METTL15: variants seen among roughly 807,000 people sequenced by gnomAD.
METTL15 encodes the protein methyltransferase 15, mitochondrial 12S rRNA N4-cytidine.
In METTL15, 34 loss-of-function variants were observed where a neutral mutation model predicts 38.3. That is an observed-to-expected ratio of 0.89 (90% CI 0.68 to 1.18). The LOEUF is 1.18. Ranked by LOEUF, METTL15 falls within the 50% of genes most tolerant of loss-of-function variation. The pLI is 0.00. For missense variants in METTL15, 438 were observed against 498.4 expected, an observed-to-expected ratio of 0.88 and a Z score of 1.15; for synonymous variants, 162 against 170.9, an observed-to-expected ratio of 0.95 and a Z score of 0.41.
intron 5 of METTL15, among the ~76,000 whole-genome samples, chr11:28,400,704 A>G (rs769569488): frequency 4.3e-4 from 66 of 152,030 alleles, no homozygotes; most frequent in Non-Finnish European, 3.2e-4. Flanking sequence ...AGTGTGGATA[A>G]AATCAAAGTT....
intron 3 of METTL15, among the ~76,000 whole-genome samples, chr11:28,201,582 C>T (rs995154451): frequency 3.7e-4 from 16 of 42,724 alleles, no homozygotes; most frequent in Non-Finnish European, 6.8e-4. Context: ...TTCAGGGACT[C>T]GACTTCTTCC....
rs534545411 is a variant in METTL15 at position 28,386,467 on chromosome 11, G to T, written c.*358+24431G>T. 3.3e-5 allele frequency among the ~76,000 whole-genome samples: 5 copies of T among 151,924 alleles called. No homozygotes were observed. In the South Asian group the frequency reaches 1.0e-3, roughly 32 times the overall value. On this transcript the variant is annotated intron_variant and NMD_transcript_variant, in intron 5 of 7. Coordinates refer to the METTL15 transcript ENST00000532947. ...AAAAATAGACTTTAAGTTAAAAATT[G>T]TTGCATGAGACAAAGAAAAACATTA...
intron 6 of METTL15, among the ~76,000 whole-genome samples, chr11:28,473,247 C>T (rs1289622093): frequency 6.6e-6 from 1 of 152,036 alleles, no homozygotes; most frequent in African/African-American, 2.4e-5. Context: ...GAATATTTGT[C>T]CTGAATTTCA....
At chr11:28,365,866 A>C (rs1413178858) in intron 5 of METTL15, among the ~76,000 whole-genome samples, 1 of 152,096 alleles carries the variant, frequency 6.6e-6, no homozygotes, top group East Asian at 1.9e-4. Flanking sequence ...CCTGGCTAAC[A>C]TGGTGAAACC....
intron 4 of METTL15, among the ~76,000 whole-genome samples, chr11:28,246,745 T>C (rs1854529971): frequency 6.6e-6 from 1 of 152,084 alleles, no homozygotes; most frequent in Admixed American, 6.6e-5. Context: ...CCTACTAAGG[T>C]ATATTAGTGA....
At chr11:28,393,210 A>C (rs1207026591) in intron 5 of METTL15, among the ~76,000 whole-genome samples, 2 of 152,166 alleles carry the variant, frequency 1.3e-5, no homozygotes, top group African/African-American at 4.8e-5. Flanking sequence ...TATTTTAAAG[A>C]GGTATTTACA....
intron 4 of METTL15, among the ~76,000 whole-genome samples, chr11:28,271,766 C>T (rs1409222123): frequency 6.6e-6 from 1 of 152,092 alleles, no homozygotes; most frequent in Non-Finnish European, 1.5e-5. Flanking sequence ...AAGAAACTAT[C>T]ATCAGAGTGA....
chr11:28,247,996 C>T (rs2133917367), intron 4 of METTL15, among the ~76,000 whole-genome samples: 1 of 152,050 alleles, frequency 6.6e-6, no homozygotes, highest in South Asian at 2.1e-4. Context: ...CTTTCAAATT[C>T]TTGGTAATTT....
chr11:28,499,498 A>T (rs1851564510), intron 6 of METTL15, among the ~76,000 whole-genome samples: 2 of 152,336 alleles, frequency 1.3e-5, no homozygotes, highest in Middle Eastern at 3.4e-3. Flanking sequence ...TTCCTAGATG[A>T]TACTGGTCAT....
At chr11:28,185,126 C>T (rs985673520) in intron 3 of METTL15, among the ~76,000 whole-genome samples, 1 of 151,376 alleles carries the variant, frequency 6.6e-6, no homozygotes, top group African/African-American at 2.4e-5. Flanking sequence ...CTACAGTGGT[C>T]CCTTAAATTA....
intron 4 of METTL15, among the ~76,000 whole-genome samples, chr11:28,358,205 T>A (rs1850106414): frequency 6.6e-6 from 1 of 152,106 alleles, no homozygotes; most frequent in Admixed American, 6.5e-5. Flanking sequence ...CAACAGCCAA[T>A]GAGCCTCTAA....
intron 4 of METTL15, among the ~76,000 whole-genome samples, chr11:28,250,832 A>G (rs1169371056): frequency 6.6e-6 from 1 of 151,994 alleles, no homozygotes; most frequent in Admixed American, 6.6e-5. Context: ...AAACTTTGCT[A>G]TTTCTGCATC....
intron 4 of METTL15, among the ~76,000 whole-genome samples, chr11:28,258,523 T>A (rs1417168922): frequency 6.6e-6 from 1 of 152,072 alleles, no homozygotes; most frequent in Non-Finnish European, 1.5e-5. Flanking sequence ...GGGACTATAG[T>A]CAAAAATCTT....
intron 4 of METTL15, among the ~76,000 whole-genome samples, chr11:28,220,379 G>A (rs1015613779): frequency 6.6e-6 from 1 of 152,106 alleles, no homozygotes; most frequent in African/African-American, 2.4e-5. Context: ...GACTTGGATT[G>A]CAACTCCTGC....
chr11:28,239,538 T>TATAG (rs1565194297), intron 4 of METTL15, among the ~76,000 whole-genome samples: 1 of 152,222 alleles, frequency 6.6e-6, no homozygotes, highest in Non-Finnish European at 1.5e-5. Context: ...AAAATCCTTC[T>TATAG]ATAGTGTATT....
At chr11:28,194,258 G>A (rs1851825675) in intron 3 of METTL15, among the ~76,000 whole-genome samples, 1 of 148,526 alleles carries the variant, frequency 6.7e-6, no homozygotes, top group African/African-American at 2.5e-5. Flanking sequence ...AAGTGCAATG[G>A]TGCGATCTCA....
At chr11:28,375,117 C>A (rs1209034966) in intron 5 of METTL15, among the ~76,000 whole-genome samples, 1 of 149,100 alleles carries the variant, frequency 6.7e-6, no homozygotes, top group Non-Finnish European at 1.5e-5. Context: ...GGATATTGGT[C>A]TAAAATTCTC....
intron 6 of METTL15, among the ~76,000 whole-genome samples, chr11:28,508,028 C>T (rs996703005): frequency 1.3e-5 from 2 of 152,204 alleles, no homozygotes; most frequent in Non-Finnish European, 2.9e-5. Context: ...TAAAGTGACA[C>T]GTACTCTTGT....
At chr11:28,235,141 G>C (rs187280341) in intron 4 of METTL15, among the ~76,000 whole-genome samples, 4,022 of 151,792 alleles carry the variant, frequency 0.026, 180 homozygotes, top group African/African-American at 0.092. Context: ...TTTCTGAGGG[G>C]TCTGTTCTGT....
Sources: gnomAD v4.1 joint callset for allele counts (sites outside exome capture counted in the v4.1 genomes callset) on GRCh38, gnomAD v4.1.1 for gene constraint, MANE v1.5 for transcripts, NCBI Gene and HGNC (gene_info 2026-07-23, HGNC 2026-07-21) for gene names.